The following PKD1 variants were observed in gnomAD, a reference collection of about 807,000 sequenced individuals.
The protein encoded by PKD1 is polycystin-1.
A neutral mutation model predicts 361.7 loss-of-function variants in PKD1; 81 were observed. That is an observed-to-expected ratio of 0.22 (90% CI 0.19 to 0.27). The LOEUF is 0.27. Among genes scored for constraint, PKD1 ranks in the 10% least tolerant of loss-of-function variants. The pLI is 1.00. For missense variants in PKD1, 6,399 were observed against 6,118.3 expected (o/e 1.05, Z -1.53); for synonymous variants, 3,615 against 2,818.3 (o/e 1.28, Z -8.95).
rs762322536 is a variant in PKD1 at position 2,108,467 on chromosome 16, C to A, written c.6700G>T (p.Val2234Leu). The A allele has an allele frequency of 6.2e-7, 1 of 1,610,324 alleles. No homozygotes were observed. The highest frequency in any genetic ancestry group is 1.3e-5 in the African/African-American group (1 of 74,852). The part of the protein sequence containing the change: ...PVGHYCFVFV[V>L]SFGDTPLTQS... ...GTCAGTGGCGTGTCCCCAAATGACACGACAAACACAAAGCAGTAGTGCCCC... is the reference window on the plus strand; with the variant it reads ...GTCAGTGGCGTGTCCCCAAATGACAAGACAAACACAAAGCAGTAGTGCCCC... Residue 2234 changes from valine to leucine, a missense_variant, in exon 15 of 46, where the codon GTG becomes TTG. Physicochemically the swap from Val to Leu is conservative, Grantham distance 32. Coordinates refer to ENST00000262304, the MANE Select transcript of PKD1 (RefSeq NM_001009944.3).
intron 1 of PKD1, among the ~76,000 whole-genome samples, chr16:2,129,102 C>T (rs1478891718): frequency 6.6e-6 from 1 of 151,588 alleles, no homozygotes; most frequent in Non-Finnish European, 1.5e-5. Context: ...ACCTTGTGAT[C>T]CCCCCACCTT....
chr16:2,094,110 C>A lies in PKD1; in HGVS notation c.10600G>T (p.Ala3534Ser), dbSNP rs765657892. ...PGLNWEQPQA[A>S]RLSRTGLVEG... Reference sequence around the variant, plus strand: ...AGCACACCTGTCCTGGACAGCCTCGCTGCCTGGGGCTGTTCCCAGTTCAGG... The same window carrying A: ...AGCACACCTGTCCTGGACAGCCTCGATGCCTGGGGCTGTTCCCAGTTCAGG... Residue 3534 changes from alanine (A) to serine (S), a missense_variant, in exon 35 of 46, where the codon GCG (alanine) becomes TCG (serine). Ala to Ser is a moderately conservative substitution (Grantham distance 99). Coordinates refer to ENST00000262304, the MANE Select transcript of PKD1 (RefSeq NM_001009944.3). The A allele has an allele frequency of 6.3e-7, 1 of 1,590,664 alleles. No homozygotes were observed. Among genetic ancestry groups the A allele is most frequent in the South Asian group, 1.1e-5 (1 of 88,316 alleles).
rs754358218 is a variant in PKD1 at position 2,106,421 on chromosome 16, G to C, written c.7466C>G (p.Thr2489Ser). ...FPLGAVHALTTKVHFECTGWH... is the reference protein window; with the variant it reads ...FPLGAVHALTSKVHFECTGWH... ...ACCCGTGCATTCGAAGTGCACCTTG[G>C]TGGTGAGGGCGTGCACAGCGCCCAG... The change falls in exon 18 of 46, where the codon ACC becomes AGC. Residue 2489 changes from threonine to serine, a missense_variant. Thr to Ser is a moderately conservative substitution (Grantham distance 58). Transcript: ENST00000262304. This position sits in a 1 kb window ranked among gnomAD's most constrained non-coding sequence, Gnocchi z 6.5. 4.3e-5 allele frequency: 69 copies of C among 1,589,596 alleles called. 1 individual carries two copies. The South Asian group carries it at 7.3e-4, about 17-fold the overall frequency.
In PKD1 at chr16:2,106,780, C is replaced by T. The variant is rs1045842704; in HGVS notation, c.7209+25G>A. The T allele has an allele frequency of 2.2e-5, 32 of 1,482,878 alleles. No individual in the cohort carries two copies. The highest frequency in any genetic ancestry group is 2.4e-4 in the Middle Eastern group (1 of 4,212). The allele number at this position is 1,482,878 out of a possible 1,614,324, so 91.9% of individuals were successfully genotyped here. On this transcript the variant is annotated intron_variant, in intron 17 of 45. Transcript: ENST00000262304. This position sits in a 1 kb window ranked among gnomAD's most constrained non-coding sequence, Gnocchi z 6.5. Reference sequence around the variant, plus strand: ...TCGGCCATGGGACCCATCCCCAGCCCGCCCACACCCCGCTCAACACTCACC... The same window carrying T: ...TCGGCCATGGGACCCATCCCCAGCCTGCCCACACCCCGCTCAACACTCACC...
chr16:2,123,445 G>C (rs1299893557), intron 1 of PKD1: 4 of 456,336 alleles, frequency 8.8e-6, no homozygotes, highest in African/African-American at 8.0e-5. Flanking sequence ...ACAGCACAGG[G>C]GTCCCCGTGG....
chr16:2,102,477 C>A lies in PKD1; in HGVS notation c.9105G>T (p.Glu3035Asp), dbSNP rs764341907. The A allele has an allele frequency of 8.3e-6, 13 of 1,565,446 alleles. No individual in the cohort carries two copies. The African/African-American group carries it at 1.5e-4, about 18-fold the overall frequency. Residue 3035 changes from glutamate to aspartate, a missense_variant, in exon 25 of 46, where the codon GAG becomes GAT. Glu to Asp is a conservative substitution (Grantham distance 45). Transcript: ENST00000262304. ...WRTEGLLPLE[E>D]TSPRQAVCLT... ...GGCAGACGGCCTGGCGGGGCGAGGT[C>A]TCCTCCAGGGGCAGCAGCCCCTCTG... is the stretch of plus-strand genomic sequence containing the variant.
intron 14 of PKD1, among the ~76,000 whole-genome samples, 191 bp downstream of exon 14, chr16:2,112,149 G>A (rs1019585944): frequency 6.6e-6 from 1 of 152,166 alleles, no homozygotes; most frequent in African/African-American, 2.4e-5. Context: ...CAGTTCAGGG[G>A]CCCAGCTTCC....
chr16:2,107,607 T>C, intron 16 of PKD1: 1 of 540,314 alleles, frequency 1.9e-6, no homozygotes, highest in Admixed American at 2.9e-5. Flanking sequence ...TGGCTACCTC[T>C]GGGGTGGGAA....
At position 2,110,384 on chromosome 16, in the gene PKD1, G is replaced by A. The variant is rs763775202; in HGVS notation, c.4783C>T (p.Pro1595Ser). Residue 1595 changes from proline to serine, a missense_variant, in exon 15 of 46, where the codon CCT becomes TCT. Physicochemically the swap from Pro to Ser is moderately conservative, Grantham distance 74. Transcript: ENST00000262304. ...CDRCTPIPGG[P>S]TISYTFRSVG... The stretch of plus-strand genomic sequence containing the variant: ...GAGCGGAAGGTGTAAGAGATGGTAG[G>A]ACCCCCAGGGATGGGCGTGCAGCGG... The A allele has an allele frequency of 3.7e-6, 6 of 1,612,566 alleles. No homozygotes were observed. The South Asian group carries it at 4.4e-5, about 12-fold the overall frequency.
intron 16 of PKD1, chr16:2,107,231 G>T (rs2092370753): frequency 2.0e-6 from 1 of 509,370 alleles, no homozygotes; most frequent in South Asian, 2.0e-5. Context: ...GGCCCCTGGG[G>T]GGATGCGTGT....
In PKD1 at chr16:2,108,424, T is replaced by A; in HGVS notation, c.6743A>T (p.Asn2248Ile). ...DTPLTQSIQA[N>I]VTVAPERLVP... is the part of the protein sequence containing the mutation. ...CAGGCGCTCGGGGGCCACCGTCACA[T>A]TGGCCTGGATGCTCTGTGTCAGTGG... The change falls in exon 15 of 46, where the codon AAT becomes ATT. Residue 2248 changes from asparagine to isoleucine, a missense_variant. By Grantham distance (149) the Asn-to-Ile change is moderately radical. Transcript: ENST00000262304. 1.2e-6 allele frequency: 2 copies of A among 1,610,538 alleles called. No individual in the cohort carries two copies. The highest frequency in any genetic ancestry group is 1.7e-6 in the Non-Finnish European group (2 of 1,179,722).
At position 2,105,302 on chromosome 16, in the gene PKD1, A is replaced by T. The variant is rs765920379; in HGVS notation, c.8016+20T>A. The T allele has an allele frequency of 1.4e-5, 22 of 1,593,596 alleles. No individual in the cohort carries two copies. The highest frequency in any genetic ancestry group is 1.8e-5 in the Non-Finnish European group (21 of 1,178,200). On this transcript the variant is annotated intron_variant, in intron 21 of 45. Coordinates refer to ENST00000262304, the MANE Select transcript of PKD1 (RefSeq NM_001009944.3). ...CCTGGCAGGCATGCGGGGCAGGGTG[A>T]GCAGGTGGGGCCATCCTACCATGCA...
In PKD1 at chr16:2,110,243, G is replaced by A. The variant is rs751611441; in HGVS notation, c.4924C>T (p.Arg1642Cys). ...IEGLQVVGGG[R>C]YFPTNHTVQL... Reference sequence around the variant, plus strand: ...ACCGTGTGGTTGGTGGGGAAGTAGCGGCCACCGCCCACCACCTGCAGCCCC... The same window carrying A: ...ACCGTGTGGTTGGTGGGGAAGTAGCAGCCACCGCCCACCACCTGCAGCCCC... Residue 1642 changes from arginine (R) to cysteine (C), a missense_variant, in exon 15 of 46, where the codon CGC (arginine) becomes TGC (cysteine). By Grantham distance (180) the Arg-to-Cys change is radical (BLOSUM62 -3). Transcript: ENST00000262304. The A allele has an allele frequency of 1.7e-5, 28 of 1,611,978 alleles. No homozygotes were observed. The highest frequency in any genetic ancestry group is 8.3e-5 in the Admixed American group (5 of 59,990).
chr16:2,128,705 C>T (rs1378283876), intron 1 of PKD1, among the ~76,000 whole-genome samples: 2 of 152,234 alleles, frequency 1.3e-5, no homozygotes, highest in African/African-American at 4.8e-5. Context: ...GCGGACTCTT[C>T]CTAGACCTTT....
chr16:2,098,420 G>A (rs1364579750), intron 30 of PKD1, among the ~76,000 whole-genome samples: 1 of 150,310 alleles, frequency 6.7e-6, no homozygotes, highest in Non-Finnish European at 1.5e-5. Flanking sequence ...GTGTTGGCCA[G>A]GCTGGTCTTG....
intron 13 of PKD1, 86 bp downstream of exon 13, chr16:2,112,702 C>G (rs2092547554): frequency 7.0e-7 from 1 of 1,431,814 alleles, no homozygotes; most frequent in South Asian, 1.2e-5. Context: ...AGAAAAGCAA[C>G]CCCGTGATGT....
chr16:2,115,135 G>A (rs1877788259), intron 10 of PKD1: 24 of 937,762 alleles, frequency 2.6e-5, no homozygotes, highest in Non-Finnish European at 2.9e-5. Context: ...CTGGCAGACA[G>A]GAAGGAGCAG....
intron 37 of PKD1, 123 bp from the exon 38 acceptor site, chr16:2,093,216 C>A: frequency 1.7e-6 from 2 of 1,161,906 alleles, no homozygotes; most frequent in South Asian, 2.5e-5. Flanking sequence ...TGGCAGGGGG[C>A]GCCCCAAGAC....
chr16:2,125,308 C>A (rs13337478), intron 1 of PKD1, among the ~76,000 whole-genome samples: 18,815 of 152,162 alleles, frequency 0.12, 1,408 homozygotes, highest in Middle Eastern at 0.19. Flanking sequence ...CCTGGCCCCA[C>A]GAGGGGTGGG....
Sources: gnomAD v4.1 joint callset for allele counts (sites outside exome capture counted in the v4.1 genomes callset) on GRCh38, gnomAD v4.1.1 for gene constraint, Gnocchi (gnomAD v3.1) non-coding constraint, MANE v1.5 for transcripts, NCBI Gene and HGNC (gene_info 2026-07-23, HGNC 2026-07-21) for gene names.